The following EXOC4 variants were observed in gnomAD, a reference collection of about 807,000 sequenced individuals.
EXOC4 encodes the protein exocyst complex component 4.
Under a neutral mutation model 107.2 loss-of-function variants are expected in EXOC4, and 71 were observed. The ratio of observed to expected loss-of-function variants is 0.66; its 90% CI spans 0.55 to 0.81. EXOC4 has a LOEUF of 0.81. Ranked by LOEUF, EXOC4 falls within the 30% of genes least tolerant of loss-of-function variation. The probability of loss-of-function intolerance (pLI) is 0.00; values close to 1 mark genes in which losing one functional copy is unlikely to be tolerated. For missense variants in EXOC4, 1,108 were observed against 1,189.6 expected, an observed-to-expected ratio of 0.93 and a Z score of 1.01; for synonymous variants, 456 against 441.2, an observed-to-expected ratio of 1.03 and a Z score of -0.42.
intron 7 of EXOC4, among the ~76,000 whole-genome samples, chr7:133,437,566 C>G (rs1798004539): frequency 6.6e-6 from 1 of 152,182 alleles, no homozygotes; most frequent in South Asian, 2.1e-4. Context: ...CGTAATATTT[C>G]TTTGTTACCA....
intron 7 of EXOC4, among the ~76,000 whole-genome samples, chr7:133,467,620 G>A (rs1218367130): frequency 8.0e-6 from 1 of 125,364 alleles, no homozygotes; most frequent in East Asian, 2.4e-4. Flanking sequence ...TTGGAAGTTT[G>A]TCAGTGTACT....
At chr7:133,569,414 A>C (rs968799920) in intron 9 of EXOC4, among the ~76,000 whole-genome samples, 17 of 152,208 alleles carry the variant, frequency 1.1e-4, no homozygotes, top group Admixed American at 1.1e-3. Context: ...GTAAGATAAA[A>C]TGTGTAAGTT....
intron 7 of EXOC4, among the ~76,000 whole-genome samples, chr7:133,443,339 C>CCTCTTGGTAAAGT (rs1798146391): frequency 1.3e-5 from 2 of 152,256 alleles, no homozygotes; most frequent in African/African-American, 4.8e-5. Context: ...GACACACCTG[C>CCTCTTGGTAAAGT]CTCTTGGTAA....
At chr7:133,471,645 G>A (rs1368316106) in intron 7 of EXOC4, among the ~76,000 whole-genome samples, 1 of 152,032 alleles carries the variant, frequency 6.6e-6, no homozygotes, top group African/African-American at 2.4e-5. Context: ...AATTTACAGA[G>A]TTCATTCTAC....
chr7:133,933,610 T>C (rs1800230185), intron 13 of EXOC4, among the ~76,000 whole-genome samples: 2 of 152,200 alleles, frequency 1.3e-5, no homozygotes, highest in Non-Finnish European at 2.9e-5. Context: ...TACATAAAAA[T>C]TCAGGCCTAG....
intron 9 of EXOC4, among the ~76,000 whole-genome samples, chr7:133,611,827 T>G (rs1193941655): frequency 2.0e-5 from 3 of 152,196 alleles, no homozygotes; most frequent in Non-Finnish European, 4.4e-5. Flanking sequence ...ACAGAGATAT[T>G]AGGGTCTCTC....
At chr7:133,672,466 A>G (rs2151058955) in intron 10 of EXOC4, among the ~76,000 whole-genome samples, 1 of 152,212 alleles carries the variant, frequency 6.6e-6, no homozygotes, top group South Asian at 2.1e-4. Flanking sequence ...ATTAACGTTT[A>G]AATAGTCATA....
intron 10 of EXOC4, chr7:133,732,993 G>T: frequency 6.1e-6 from 1 of 163,354 alleles, no homozygotes; most frequent in South Asian, 1.5e-4. Context: ...ATGAAAGTTA[G>T]GCAGTTTTTA....
At chr7:133,433,200 G>A (rs771568835) in intron 7 of EXOC4, among the ~76,000 whole-genome samples, 1 of 152,088 alleles carries the variant, frequency 6.6e-6, no homozygotes, top group Non-Finnish European at 1.5e-5. Flanking sequence ...GGAAGGATGT[G>A]GTAGGTTGGA....
chr7:133,701,471 A>G (rs1168021151), intron 10 of EXOC4, among the ~76,000 whole-genome samples: 3 of 152,130 alleles, frequency 2.0e-5, no homozygotes, highest in Non-Finnish European at 4.4e-5. Context: ...GGTTAGAGTG[A>G]TTCCCCCATT....
chr7:133,751,980 ACC>A (rs1795802217), intron 10 of EXOC4, among the ~76,000 whole-genome samples: 1 of 146,966 alleles, frequency 6.8e-6, no homozygotes, highest in African/African-American at 2.5e-5. Flanking sequence ...CTATCTCTCT[ACC>A]AAATAAATAA....
At chr7:133,429,740 A>G (rs988413398) in intron 7 of EXOC4, among the ~76,000 whole-genome samples, 2 of 152,228 alleles carry the variant, frequency 1.3e-5, no homozygotes, top group African/African-American at 4.8e-5. Flanking sequence ...TTCATTTAGC[A>G]TAATGTTTTC....
At chr7:133,619,171 A>G (rs1054621592) in intron 9 of EXOC4, among the ~76,000 whole-genome samples, 5 of 152,114 alleles carry the variant, frequency 3.3e-5, no homozygotes, top group Non-Finnish European at 7.3e-5. Context: ...GCCAGCTCTG[A>G]TTATCTTTAT....
intron 10 of EXOC4, among the ~76,000 whole-genome samples, chr7:133,640,888 G>C (rs1002857521): frequency 8.7e-5 from 13 of 150,126 alleles, no homozygotes; most frequent in Admixed American, 4.6e-4. Context: ...TTTTTTAAGA[G>C]AGAGGATCTT....
Position 133,265,711 on chromosome 7 carries a change from G to T in EXOC4, c.87-9271G>T, listed in dbSNP as rs549427484. Among the ~76,000 whole-genome samples the T allele has an allele frequency of 4.6e-5, 7 of 152,224 alleles. 1 individual carries two copies. In the South Asian group the frequency reaches 1.2e-3, roughly 27 times the overall value. ...GTTTTGTTCATCTTTATTATTCCTG[G>T]AGGAGAAGTCACTGGATGCCAACAA... On this transcript the variant is annotated intron_variant, in intron 1 of 17. Coordinates refer to ENST00000253861, the MANE Select transcript of EXOC4 (RefSeq NM_021807.4).
intron 10 of EXOC4, among the ~76,000 whole-genome samples, chr7:133,643,681 A>G (rs944234317): frequency 2.0e-5 from 3 of 152,244 alleles, no homozygotes; most frequent in Admixed American, 6.5e-5. Context: ...GCTGCTACAT[A>G]AAGTTAACAA....
rs112932214 is a variant in EXOC4 at position 133,734,988 on chromosome 7, A to C, written c.1515-82337A>C. On this transcript the variant is annotated intron_variant, in intron 10 of 17. Transcript: ENST00000253861. ...CACTTTGGGAGGCTGAGGCGGGTGGATCATAGGGTCAGGAGTTTGAGACAA... is the reference window on the plus strand; with the variant it reads ...CACTTTGGGAGGCTGAGGCGGGTGGCTCATAGGGTCAGGAGTTTGAGACAA... Among the ~76,000 whole-genome samples the C allele has an allele frequency of 2.0e-3, 296 of 147,576 alleles. 2 individuals carry two copies. Among genetic ancestry groups the C allele is most frequent in the African/African-American group, 7.0e-3 (279 of 40,086 alleles).
intron 9 of EXOC4, among the ~76,000 whole-genome samples, chr7:133,606,184 A>G (rs1465119494): frequency 3.9e-5 from 6 of 152,084 alleles, no homozygotes; most frequent in African/African-American, 1.4e-4. Flanking sequence ...CCATGCTCCT[A>G]ATCCCCTACA....
intron 14 of EXOC4, among the ~76,000 whole-genome samples, chr7:133,973,399 A>G (rs1793747494): frequency 6.6e-6 from 1 of 152,166 alleles, no homozygotes; most frequent in South Asian, 2.1e-4. Context: ...AATTGTTATT[A>G]CATTATAGAA....
Sources: gnomAD v4.1 joint callset for allele counts (sites outside exome capture counted in the v4.1 genomes callset) on GRCh38, gnomAD v4.1.1 for gene constraint, MANE v1.5 for transcripts, NCBI Gene and HGNC (gene_info 2026-07-23, HGNC 2026-07-21) for gene names.